COLEC11: variants seen among roughly 807,000 people sequenced by gnomAD.
The protein encoded by COLEC11 is collectin-11.
Under a neutral mutation model 27.3 loss-of-function variants are expected in COLEC11, and 20 were observed. That is an observed-to-expected ratio of 0.73 (90% CI 0.51 to 1.06). COLEC11 has a LOEUF of 1.06. COLEC11 is among the 50% of genes least tolerant of loss of function. COLEC11 has a pLI of 0.00. For missense variants in COLEC11, 310 were observed against 383.0 expected (o/e 0.81, Z 1.59); for synonymous variants, 163 against 154.7 (o/e 1.05, Z -0.40).
intron 3 of COLEC11, among the ~76,000 whole-genome samples, chr2:3,636,379 CG>C (rs1324945447): frequency 6.6e-6 from 1 of 152,120 alleles, no homozygotes; most frequent in East Asian, 1.9e-4. Flanking sequence ...GGTGTGAACC[CG>C]GGAGGTGGAG....
At chr2:3,624,219 T>C (rs1402330841) in intron 3 of COLEC11, among the ~76,000 whole-genome samples, 1 of 152,192 alleles carries the variant, frequency 6.6e-6, no homozygotes, top group Non-Finnish European at 1.5e-5. Flanking sequence ...GCTATCTGTC[T>C]GTGTGAGATG....
intron 3 of COLEC11, among the ~76,000 whole-genome samples, chr2:3,616,753 A>AGAGAGG (rs1663779049): frequency 1.3e-5 from 2 of 149,368 alleles, no homozygotes; most frequent in South Asian, 2.1e-4. Context: ...GATCGTGGAA[A>AGAGAGG]GAGAGGGAGA....
Position 3,644,386 on chromosome 2 carries a change from T to G in COLEC11, c.*268T>G. The G allele has an allele frequency of 3.1e-6, 2 of 644,684 alleles. No individual in the cohort carries two copies. Among genetic ancestry groups the G allele is most frequent in the Middle Eastern group, 4.0e-4 (1 of 2,474 alleles). The allele number at this position is 644,684 out of a possible 1,614,324, so 39.9% of individuals were successfully genotyped here. ...TTATGTAATTATTACCCAGAATTGC[T>G]CTTCCATAAAGCTTGTGCCTTTGTC... is the stretch of plus-strand genomic sequence containing the variant. On this transcript the variant is annotated 3_prime_UTR_variant, in exon 7 of 7. Coordinates refer to ENST00000349077, the MANE Select transcript of COLEC11 (RefSeq NM_024027.5).
At chr2:3,643,321 C>T (rs1666007637) in intron 5 of COLEC11, 123 bp from the exon 6 acceptor site, 1 of 803,434 alleles carries the variant, frequency 1.2e-6, no homozygotes, top group African/African-American at 1.7e-5. Context: ...GTTATTGCGG[C>T]CTCAAAGGCC....
At chr2:3,642,361 T>A (rs1665933944) in intron 5 of COLEC11, among the ~76,000 whole-genome samples, 1 of 152,052 alleles carries the variant, frequency 6.6e-6, no homozygotes, top group Admixed American at 6.5e-5. Flanking sequence ...GAGAATGAGA[T>A]CTGTTGCCAG....
rs1662401768 is a variant in COLEC11 at position 3,603,620 on chromosome 2, T to A, written c.-26-695T>A. The A allele has an allele frequency of 1.9e-6, 3 of 1,550,792 alleles. No individual in the cohort carries two copies. In the South Asian group the frequency reaches 3.6e-5, roughly 18 times the overall value. ...GTGTGAGCCACTGCGCCTGGTCTTGTTTTCCAAGTTGTAACGCCCTTCACG... is the reference window on the plus strand; with the variant it reads ...GTGTGAGCCACTGCGCCTGGTCTTGATTTCCAAGTTGTAACGCCCTTCACG... On this transcript the variant is annotated intron_variant, in intron 1 of 6. Transcript: ENST00000349077.
intron 3 of COLEC11, among the ~76,000 whole-genome samples, chr2:3,632,146 G>A (rs1665058163): frequency 6.6e-6 from 1 of 152,236 alleles, no homozygotes; most frequent in South Asian, 2.1e-4. Flanking sequence ...GGAAACTGAG[G>A]CTTACAGAGG....
intron 1 of COLEC11, among the ~76,000 whole-genome samples, chr2:3,601,713 A>C (rs1662238221): frequency 6.6e-6 from 1 of 152,164 alleles, no homozygotes; most frequent in South Asian, 2.1e-4. Flanking sequence ...ATCTTCGGCA[A>C]GTGAAGCTCT....
chr2:3,604,450 T>G lies in COLEC11; in HGVS notation c.110T>G (p.Ile37Ser). ...PAGDDACSVQ[I>S]LVPGLKGDAG... is the part of the protein sequence containing the mutation. ...GGCGATGACGCCTGCTCTGTGCAGATCCTCGTCCCTGGCCTCAAAGGTAAC... is the reference window on the plus strand; with the variant it reads ...GGCGATGACGCCTGCTCTGTGCAGAGCCTCGTCCCTGGCCTCAAAGGTAAC... The change falls in exon 2 of 7, where the codon ATC becomes AGC. Residue 37 changes from isoleucine (I) to serine (S), a missense_variant. Physicochemically the swap from Ile to Ser is moderately radical, Grantham distance 142. Transcript: ENST00000349077. 6.2e-7 allele frequency: 1 copy of G among 1,614,128 alleles called. No individual in the cohort carries two copies. The highest frequency in any genetic ancestry group is 8.5e-7 in the Non-Finnish European group (1 of 1,180,036).
At chr2:3,610,129 C>T (rs1408745534) in intron 2 of COLEC11, among the ~76,000 whole-genome samples, 1 of 152,198 alleles carries the variant, frequency 6.6e-6, no homozygotes, top group Non-Finnish European at 1.5e-5. Context: ...GTTTTGAAGC[C>T]TGAGCAAGGT....
intron 3 of COLEC11, among the ~76,000 whole-genome samples, chr2:3,635,427 A>G (rs951837762): frequency 1.3e-5 from 2 of 152,020 alleles, no homozygotes; most frequent in African/African-American, 4.8e-5. Flanking sequence ...CTTCCTGAAC[A>G]CAAGTCTGAT....
chr2:3,598,221 C>A (rs1661991015), intron 1 of COLEC11, among the ~76,000 whole-genome samples: 1 of 152,204 alleles, frequency 6.6e-6, no homozygotes, highest in Non-Finnish European at 1.5e-5. Flanking sequence ...CAAACGTGAG[C>A]CACTGTGCTT....
intron 3 of COLEC11, chr2:3,617,804 C>T: frequency 2.6e-6 from 2 of 762,914 alleles, no homozygotes; most frequent in Non-Finnish European, 4.5e-6. Context: ...TTTCCATTCC[C>T]ACCAGCAATG....
At chr2:3,605,839 G>A (rs911081251) in intron 2 of COLEC11, 2 of 439,332 alleles carry the variant, frequency 4.6e-6, no homozygotes, top group African/African-American at 2.0e-5. Context: ...ACAGGGTCCG[G>A]ACAGCTCGGG....
At chr2:3,615,790 G>A (rs183523487) in intron 3 of COLEC11, among the ~76,000 whole-genome samples, 9,020 of 148,454 alleles carry the variant, frequency 0.061, 472 homozygotes, top group African/African-American at 0.14. Context: ...CAGATGGGGC[G>A]GCTGGCCAGG....
chr2:3,617,211 T>G (rs1397016283), intron 3 of COLEC11, among the ~76,000 whole-genome samples: 1 of 152,166 alleles, frequency 6.6e-6, no homozygotes, highest in Non-Finnish European at 1.5e-5. Flanking sequence ...TTAAAATCAT[T>G]TGACAAAAAG....
At chr2:3,607,158 C>T (rs1340341322) in intron 2 of COLEC11, among the ~76,000 whole-genome samples, 1 of 151,992 alleles carries the variant, frequency 6.6e-6, no homozygotes, top group East Asian at 1.9e-4. Context: ...CCTGAGCACA[C>T]GAGTCAGGCT....
intron 3 of COLEC11, among the ~76,000 whole-genome samples, chr2:3,633,974 C>T (rs551460074): frequency 2.5e-4 from 38 of 152,308 alleles, no homozygotes; most frequent in African/African-American, 8.4e-4. Flanking sequence ...TGCGGGAGGC[C>T]GAGCAGAAGC....
rs752317737 is a variant in COLEC11 at position 3,604,331 on chromosome 2, T to G, written c.-10T>G. 2.5e-6 allele frequency: 4 copies of G among 1,614,222 alleles called. No individual in the cohort carries two copies. Among genetic ancestry groups the G allele is most frequent in the East Asian group, 4.5e-5 (2 of 44,880 alleles). ...TCTGTGTAGGAGTTGGTGTCCTGCC[T>G]GCGCTCAGGATGAGGGGGAATCTGG... On this transcript the variant is annotated 5_prime_UTR_variant, in exon 2 of 7. Coordinates refer to ENST00000349077, the MANE Select transcript of COLEC11 (RefSeq NM_024027.5).
Sources: gnomAD v4.1 joint callset for allele counts (sites outside exome capture counted in the v4.1 genomes callset) on GRCh38, gnomAD v4.1.1 for gene constraint, MANE v1.5 for transcripts, NCBI Gene and HGNC (gene_info 2026-07-23, HGNC 2026-07-21) for gene names.